PLCG2: variants seen among roughly 807,000 people sequenced by gnomAD.
PLCG2 encodes the protein phospholipase C gamma 2, also known as 1-phosphatidylinositol 4,5-bisphosphate phosphodiesterase gamma-2.
In PLCG2, 69 loss-of-function variants were observed where a neutral mutation model predicts 175.6. The observed-to-expected ratio is 0.39, with a 90% CI of 0.32 to 0.48. PLCG2 has a LOEUF of 0.48. Among genes scored for constraint, PLCG2 ranks in the 20% least tolerant of loss-of-function variants. The pLI, the probability that PLCG2 is intolerant of heterozygous loss-of-function variation, is 0.91. For missense variants in PLCG2, 1,798 were observed against 1,650.9 expected, an observed-to-expected ratio of 1.09 and a Z score of -1.54; for synonymous variants, 827 against 624.0, an observed-to-expected ratio of 1.33 and a Z score of -4.85.
At position 81,804,562 on chromosome 16, in the gene PLCG2, G is replaced by A. The variant is rs549142361; in HGVS notation, c.193+18380G>A. Among the ~76,000 whole-genome samples the A allele has an allele frequency of 1.5e-4, 23 of 152,234 alleles. No individual in the cohort carries two copies. The South Asian group carries it at 4.6e-3, about 30-fold the overall frequency. On this transcript the variant is annotated intron_variant, in intron 2 of 32. Coordinates refer to ENST00000564138, the MANE Select transcript of PLCG2 (RefSeq NM_002661.5). ...AACCATCACTTCTGCTTTTTTTGTG[G>A]CACAAAAGGACCATTTTTTGAAGTT...
At chr16:81,776,019 A>G (rs945515954), upstream of PLCG2, among the ~76,000 whole-genome samples, 4 of 151,578 alleles carry the variant, frequency 2.6e-5, no homozygotes, top group African/African-American at 9.7e-5. Flanking sequence ...TCTGACAGCT[A>G]ACCTGTGACA....
intron 14 of PLCG2, among the ~76,000 whole-genome samples, chr16:81,904,045 C>T (rs1909261881): frequency 6.6e-6 from 1 of 152,152 alleles, no homozygotes; most frequent in African/African-American, 2.4e-5. Flanking sequence ...CAGATGTGGA[C>T]ATTGAGATTC....
At position 81,891,536 on chromosome 16, in the gene PLCG2, T is replaced by A. The variant is rs566918317; in HGVS notation, c.932T>A (p.Met311Lys). 1.9e-6 allele frequency: 3 copies of A among 1,612,680 alleles called. No individual in the cohort carries two copies. Among genetic ancestry groups the A allele is most frequent in the South Asian group, 1.1e-5 (1 of 91,064 alleles). Reference sequence around the variant, plus strand: ...GATGAGAAGTATGACGCGGTGGACATGCAGGACATGAACAACCCCCTGTCT... The same window carrying A: ...GATGAGAAGTATGACGCGGTGGACAAGCAGGACATGAACAACCCCCTGTCT... ...IWDEKYDAVD[M>K]QDMNNPLSHY... The change falls in exon 11 of 33, where the codon ATG (methionine) becomes AAG (lysine). Residue 311 changes from methionine (M) to lysine (K), a missense_variant. By Grantham distance (95) the Met-to-Lys change is moderately conservative. Coordinates refer to ENST00000564138, the MANE Select transcript of PLCG2 (RefSeq NM_002661.5).
At chr16:81,837,692 T>G (rs1309135989) in intron 2 of PLCG2, among the ~76,000 whole-genome samples, 2 of 151,998 alleles carry the variant, frequency 1.3e-5, no homozygotes, top group East Asian at 3.8e-4. Flanking sequence ...GTGTTTTTTT[T>G]TTTTTTTTTT....
intron 23 of PLCG2, 102 bp from the exon 24 acceptor site, chr16:81,928,456 T>A: frequency 1.3e-6 from 1 of 768,684 alleles, no homozygotes. Context: ...TTTTAAACAG[T>A]TCCACAGGCA....
chr16:81,921,154 A>C (rs180832304), intron 20 of PLCG2, 44 bp from the exon 21 acceptor site: 3 of 1,216,796 alleles, frequency 2.5e-6, no homozygotes, highest in African/African-American at 2.9e-5. Flanking sequence ...GGGCTATTCC[A>C]GGAGCATGGA....
chr16:81,869,417 C>G, intron 6 of PLCG2, 119 bp downstream of exon 6: 1 of 723,812 alleles, frequency 1.4e-6, no homozygotes, highest in South Asian at 1.6e-5. Flanking sequence ...CCTTTGCCTC[C>G]AGAGTACATC....
At chr16:81,956,924 G>C (rs750014627) in intron 32 of PLCG2, 45 bp downstream of exon 32, 2 of 1,538,776 alleles carry the variant, frequency 1.3e-6, no homozygotes, top group Non-Finnish European at 8.9e-7. Flanking sequence ...GGGGTCTCTA[G>C]GCACGGTGAT....
Position 81,904,496 on chromosome 16 carries a change from G to C in PLCG2, c.1363-907G>C, listed in dbSNP as rs74956269. On this transcript the variant is annotated intron_variant, in intron 14 of 32. Coordinates refer to ENST00000564138, the MANE Select transcript of PLCG2 (RefSeq NM_002661.5). ...CTCAGAGAAGTGCAGCCACTTGCCC[G>C]GGGTCACACAGCTGGTAGAATAGCT... 8.8e-3 allele frequency among the ~76,000 whole-genome samples: 1,343 copies of C among 152,274 alleles called. 26 individuals carry two copies. The highest frequency in any genetic ancestry group is 0.031 in the African/African-American group (1,272 of 41,540).
intron 2 of PLCG2, among the ~76,000 whole-genome samples, chr16:81,851,627 C>G (rs1906416591): frequency 6.6e-6 from 1 of 152,166 alleles, no homozygotes; most frequent in Non-Finnish European, 1.5e-5. Flanking sequence ...ATTCTTCTGC[C>G]TCATCCTCCC....
chr16:81,887,562 A>T (rs1386765171), intron 9 of PLCG2, among the ~76,000 whole-genome samples: 1 of 152,234 alleles, frequency 6.6e-6, no homozygotes, highest in Non-Finnish European at 1.5e-5. Context: ...TGCAAGAGTC[A>T]ACAGCAGTTC....
chr16:81,917,308 G>A (rs1275747220), intron 19 of PLCG2, among the ~76,000 whole-genome samples: 1 of 151,110 alleles, frequency 6.6e-6, no homozygotes, highest in Non-Finnish European at 1.5e-5. Context: ...ATCTGTTGAT[G>A]GGCAGGCTGA....
At chr16:81,762,083 C>G (rs868072396) in intron 2 of PLCG2, among the ~76,000 whole-genome samples, 1 of 151,902 alleles carries the variant, frequency 6.6e-6, no homozygotes, top group Non-Finnish European at 1.5e-5. Flanking sequence ...GACCTGTGTA[C>G]CTCGTCCTCC....
intron 19 of PLCG2, 85 bp from the exon 20 acceptor site, chr16:81,919,399 G>A (rs1163691686): frequency 9.8e-7 from 1 of 1,018,736 alleles, no homozygotes. Context: ...GGATAACTAG[G>A]TTGTATCTAA....
intron 15 of PLCG2, chr16:81,906,393 A>T (rs1206179140): frequency 6.6e-6 from 1 of 152,162 alleles, no homozygotes; most frequent in East Asian, 1.9e-4. Flanking sequence ...TATATCCTAG[A>T]TATAACATAC....
chr16:81,875,484 A>G (rs561417218), intron 7 of PLCG2, among the ~76,000 whole-genome samples: 2 of 152,314 alleles, frequency 1.3e-5, no homozygotes, highest in South Asian at 2.1e-4. Context: ...AATCCTTTGT[A>G]TTAAAGAAAA....
At chr16:81,836,062 A>G (rs1905499925) in intron 2 of PLCG2, among the ~76,000 whole-genome samples, 1 of 152,074 alleles carries the variant, frequency 6.6e-6, no homozygotes, top group South Asian at 2.1e-4. Flanking sequence ...TTTTTGGGGG[A>G]TGCAGTTCAA....
chr16:81,763,020 G>T (rs1197916748), intron 2 of PLCG2, among the ~76,000 whole-genome samples: 1 of 152,206 alleles, frequency 6.6e-6, no homozygotes, highest in African/African-American at 2.4e-5. Context: ...TCATGCCACT[G>T]TATTCTAGCC....
intron 2 of PLCG2, among the ~76,000 whole-genome samples, chr16:81,800,891 G>C (rs1911689862): frequency 6.6e-6 from 1 of 152,122 alleles, no homozygotes; most frequent in Non-Finnish European, 1.5e-5. Flanking sequence ...GCAGGAGGGA[G>C]GCAGGAGGGT....
Sources: allele counts gnomAD v4.1 joint callset (sites outside exome capture counted in the v4.1 genomes callset), GRCh38; gene constraint gnomAD v4.1.1; transcripts MANE v1.5; gene names NCBI Gene and HGNC (gene_info 2026-07-23, HGNC 2026-07-21).